C8orf34: variants seen among roughly 807,000 people sequenced by gnomAD.
C8orf34 encodes uncharacterized protein C8orf34.
C8orf34 carries 65 observed loss-of-function variants against 68.3 expected under a neutral mutation model. That is an observed-to-expected ratio of 0.95 (90% CI 0.78 to 1.17). The LOEUF is 1.17. Ranked by LOEUF, C8orf34 falls within the 50% of genes most tolerant of loss-of-function variation. The pLI is 0.00. For missense variants in C8orf34, 664 were observed against 655.4 expected, an observed-to-expected ratio of 1.01 and a Z score of -0.14; for synonymous variants, 244 against 241.2, an observed-to-expected ratio of 1.01 and a Z score of -0.11.
At chr8:68,800,027 A>T (rs951146665) in intron 12 of C8orf34, among the ~76,000 whole-genome samples, 1 of 152,186 alleles carries the variant, frequency 6.6e-6, no homozygotes, top group Non-Finnish European at 1.5e-5. Context: ...TTGGGGAGAC[A>T]CATTAGACAC....
At chr8:68,578,628 T>C (rs1163916304) in intron 7 of C8orf34, among the ~76,000 whole-genome samples, 1 of 144,582 alleles carries the variant, frequency 6.9e-6, no homozygotes, top group Non-Finnish European at 1.5e-5. Context: ...CTATAGTTCA[T>C]TGCAGATTAA....
chr8:68,646,237 C>A (rs1258690220), intron 8 of C8orf34, among the ~76,000 whole-genome samples: 2 of 151,562 alleles, frequency 1.3e-5, no homozygotes, highest in East Asian at 1.9e-4. Flanking sequence ...ATATCCAGAA[C>A]CTTATTGCTT....
At chr8:68,471,793 C>T (rs765448377) in intron 4 of C8orf34, among the ~76,000 whole-genome samples, 6 of 151,832 alleles carry the variant, frequency 4.0e-5, no homozygotes, top group South Asian at 2.1e-4. Flanking sequence ...CTTGGTTGTA[C>T]GGTCTAAAAA....
chr8:68,599,275 A>G (rs917464419), intron 7 of C8orf34, among the ~76,000 whole-genome samples: 1 of 152,086 alleles, frequency 6.6e-6, no homozygotes, highest in Non-Finnish European at 1.5e-5. Context: ...TTGATAAATG[A>G]ATCCTGTCAA....
intron 5 of C8orf34, among the ~76,000 whole-genome samples, chr8:68,497,134 A>C (rs896290134): frequency 2.0e-5 from 3 of 152,240 alleles, no homozygotes; most frequent in South Asian, 2.1e-4. Flanking sequence ...TATCACAGAC[A>C]GAACTTAATA....
chr8:68,626,287 T>C (rs548258927), intron 7 of C8orf34, among the ~76,000 whole-genome samples: 1 of 152,274 alleles, frequency 6.6e-6, no homozygotes, highest in African/African-American at 2.4e-5. Context: ...ATGTTCACCA[T>C]CCAAATCTTG....
intron 7 of C8orf34, among the ~76,000 whole-genome samples, chr8:68,622,808 GA>G (rs1227939330): frequency 5.9e-5 from 9 of 152,178 alleles, no homozygotes; most frequent in Admixed American, 2.6e-4. Context: ...AAAAATTGGT[GA>G]AAGAGCAAAG....
intron 7 of C8orf34, among the ~76,000 whole-genome samples, chr8:68,611,421 A>G (rs891518155): frequency 4.6e-5 from 7 of 152,206 alleles, no homozygotes; most frequent in Non-Finnish European, 8.8e-5. Context: ...TTTGATTTCA[A>G]GAGGTCCTCT....
intron 9 of C8orf34, among the ~76,000 whole-genome samples, chr8:68,710,318 G>A (rs1483570080): frequency 1.3e-5 from 2 of 152,168 alleles, no homozygotes; most frequent in Admixed American, 6.5e-5. Context: ...TTCTAGATGA[G>A]GAGGCTCATG....
intron 8 of C8orf34, among the ~76,000 whole-genome samples, chr8:68,701,706 T>C (rs1821022732): frequency 6.6e-6 from 1 of 152,042 alleles, no homozygotes; most frequent in South Asian, 2.1e-4. Context: ...AGTCCCATCA[T>C]GTCACTTCTA....
At chr8:68,357,945 A>G (rs1240346730) in intron 1 of C8orf34, among the ~76,000 whole-genome samples, 1 of 152,158 alleles carries the variant, frequency 6.6e-6, no homozygotes, top group Non-Finnish European at 1.5e-5. Context: ...ACTCTAGCCC[A>G]TTATCATGGG....
rs367643072 is a variant in C8orf34, at chr8:68,480,830, T to C, written c.737-7193T>C. ...AGCATTCAAGAGGTGACTTGGGTAC[T>C]GTTAAAGGCATTCTGTTTTTTATAA... On this transcript the variant is annotated intron_variant, in intron 4 of 13. Transcript: ENST00000518698. 2.6e-5 allele frequency among the ~76,000 whole-genome samples: 4 copies of C among 152,336 alleles called. No homozygotes were observed. In the East Asian group the frequency reaches 7.7e-4, roughly 29 times the overall value.
chr8:68,420,325 C>T (rs977177366), intron 1 of C8orf34, among the ~76,000 whole-genome samples: 1 of 152,028 alleles, frequency 6.6e-6, no homozygotes, highest in Non-Finnish European at 1.5e-5. Context: ...CATTAATTCT[C>T]ACAAAAGCTA....
At chr8:68,426,868 T>TA (rs1193400044) in intron 1 of C8orf34, among the ~76,000 whole-genome samples, 8 of 139,302 alleles carry the variant, frequency 5.7e-5, no homozygotes, top group South Asian at 4.5e-4. Flanking sequence ...AAACTCCGTC[T>TA]AAAAAAAAAC....
At chr8:68,420,177 G>T (rs1351834166) in intron 1 of C8orf34, among the ~76,000 whole-genome samples, 1 of 151,444 alleles carries the variant, frequency 6.6e-6, no homozygotes, top group Non-Finnish European at 1.5e-5. Flanking sequence ...GAGAGGCAAA[G>T]TGATGCTTTT....
chr8:68,464,449 C>A (rs1422701398), intron 3 of C8orf34, among the ~76,000 whole-genome samples: 1 of 151,722 alleles, frequency 6.6e-6, no homozygotes, highest in Non-Finnish European at 1.5e-5. Flanking sequence ...GAAAAAACTA[C>A]TTTAAAGTTC....
At chr8:68,657,846 G>T (rs1187120437) in intron 8 of C8orf34, among the ~76,000 whole-genome samples, 1 of 152,156 alleles carries the variant, frequency 6.6e-6, no homozygotes, top group East Asian at 1.9e-4. Flanking sequence ...TATTGCCAAG[G>T]TTAAGGGCAG....
chr8:68,747,255 A>G (rs1442060042), intron 10 of C8orf34, among the ~76,000 whole-genome samples: 4 of 151,412 alleles, frequency 2.6e-5, no homozygotes, highest in Non-Finnish European at 5.9e-5. Context: ...AGAGCTATCT[A>G]TGACAAATCC....
At chr8:68,777,600 C>A (rs1293205724) in intron 11 of C8orf34, among the ~76,000 whole-genome samples, 3 of 152,144 alleles carry the variant, frequency 2.0e-5, no homozygotes, top group African/African-American at 7.2e-5. Context: ...AATCTTGGGG[C>A]TCAGCCCAGA....
Sources: gnomAD v4.1 joint callset for allele counts (sites outside exome capture counted in the v4.1 genomes callset) on GRCh38, gnomAD v4.1.1 for gene constraint, MANE v1.5 for transcripts, NCBI Gene and HGNC (gene_info 2026-07-23, HGNC 2026-07-21) for gene names.